IKZF3: variants seen among roughly 807,000 people sequenced by gnomAD.
The protein encoded by IKZF3 is zinc finger protein Aiolos.
IKZF3 carries 10 observed loss-of-function variants against 49.0 expected under a neutral mutation model. That is an observed-to-expected ratio of 0.20 (90% CI 0.13 to 0.35). The LOEUF (loss-of-function observed/expected upper bound fraction) is 0.35. Ranked by LOEUF, IKZF3 falls within the 10% of genes least tolerant of loss-of-function variation. The pLI is 1.00. For missense variants in IKZF3, 498 were observed against 664.8 expected, an observed-to-expected ratio of 0.75 and a Z score of 2.76; for synonymous variants, 209 against 228.2, an observed-to-expected ratio of 0.92 and a Z score of 0.76.
chr17:39,827,008 C>T (rs1047787020), intron 3 of IKZF3, among the ~76,000 whole-genome samples: 4 of 152,002 alleles, frequency 2.6e-5, no homozygotes, highest in Admixed American at 1.3e-4. Context: ...TGTTTTTGTT[C>T]TTTTTTTGAG....
At chr17:39,809,032 T>C (rs572176512) in intron 3 of IKZF3, among the ~76,000 whole-genome samples, 1 of 152,354 alleles carries the variant, frequency 6.6e-6, no homozygotes, top group East Asian at 1.9e-4. Context: ...AGATTTTTGC[T>C]TCTGTAGACG....
In IKZF3 at chr17:39,766,320, T is replaced by A. The variant is rs773046072; in HGVS notation, c.1000A>T (p.Met334Leu). 6.2e-7 allele frequency: 1 copy of A among 1,614,112 alleles called. No individual in the cohort carries two copies. The change falls in exon 8 of 8, where the codon ATG becomes TTG. Residue 334 changes from methionine to leucine, a missense_variant. Coordinates refer to ENST00000346872, the MANE Select transcript of IKZF3 (RefSeq NM_012481.5). ...TACATGCTGCTGATAACTGGAACCATCTCCGAGGTGGGAGCAGGCGGTGTC... is the reference window on the plus strand; with the variant it reads ...TACATGCTGCTGATAACTGGAACCAACTCCGAGGTGGGAGCAGGCGGTGTC... ...VQTPPAPTSE[M>L]VPVISSMYPI...
At chr17:39,777,470 A>G (rs2060618857) in intron 7 of IKZF3, among the ~76,000 whole-genome samples, 181 bp downstream of exon 7, 3 of 152,228 alleles carry the variant, frequency 2.0e-5, no homozygotes, top group African/African-American at 7.2e-5. Flanking sequence ...TGCTTTAGTT[A>G]ATATCTTTTA....
At chr17:39,769,799 T>C (rs1207605178) in intron 7 of IKZF3, among the ~76,000 whole-genome samples, 4 of 152,244 alleles carry the variant, frequency 2.6e-5, no homozygotes, top group African/African-American at 7.2e-5. Flanking sequence ...CAAACTCTGA[T>C]TTTATCCTTT....
intron 3 of IKZF3, among the ~76,000 whole-genome samples, chr17:39,798,745 T>C (rs1490215772): frequency 6.6e-6 from 1 of 152,126 alleles, no homozygotes; most frequent in Non-Finnish European, 1.5e-5. Context: ...GACCTCGTGA[T>C]CCGCCGGCCT....
chr17:39,796,865 A>G (rs2061177747), intron 3 of IKZF3, among the ~76,000 whole-genome samples: 2 of 149,130 alleles, frequency 1.3e-5, no homozygotes, highest in Non-Finnish European at 3.0e-5. Context: ...CTTTCTAGAC[A>G]GATTTAAGAC....
intron 3 of IKZF3, among the ~76,000 whole-genome samples, chr17:39,809,825 G>A (rs901263106): frequency 1.1e-4 from 16 of 152,128 alleles, no homozygotes; most frequent in African/African-American, 3.9e-4. Context: ...ATGAAGAAAG[G>A]GAGATTGAAT....
rs2062821314 is a variant in IKZF3 at position 39,850,673 on chromosome 17, TG to T, written c.7+13446del. 4.7e-4 allele frequency among the ~76,000 whole-genome samples: 58 copies of T among 123,712 alleles called. 1 individual carries two copies. The highest frequency in any genetic ancestry group is 7.0e-4 in the South Asian group (3 of 4,268). The allele number at this position is 123,712 out of a possible 152,430, so 81.2% of individuals were successfully genotyped here. ...ATAGTATATATACTATATATGTATATGTATATATACACATATTATATATACA... is the reference window on the plus strand; with the variant it reads ...ATAGTATATATACTATATATGTATATTATATATACACATATTATATATACA... On this transcript the variant is annotated intron_variant, in intron 1 of 7. Coordinates refer to ENST00000346872, the MANE Select transcript of IKZF3 (RefSeq NM_012481.5).
chr17:39,807,888 G>C (rs953779086), intron 3 of IKZF3, among the ~76,000 whole-genome samples: 1 of 152,182 alleles, frequency 6.6e-6, no homozygotes, highest in East Asian at 1.9e-4. Context: ...GGCAAGAATG[G>C]GGATCAACTA....
chr17:39,844,627 C>T (rs1370323077), intron 1 of IKZF3, among the ~76,000 whole-genome samples: 1 of 151,564 alleles, frequency 6.6e-6, no homozygotes, highest in African/African-American at 2.4e-5. Flanking sequence ...GGGACAGAGT[C>T]TTGTTTTTTT....
chr17:39,777,575 T>G, intron 7 of IKZF3, 76 bp downstream of exon 7: 1 of 990,318 alleles, frequency 1.0e-6, no homozygotes, highest in Admixed American at 2.0e-5. Context: ...AGGAAAGGCC[T>G]TGTGTAGCAA....
chr17:39,842,306 C>T (rs2062500417), intron 1 of IKZF3, among the ~76,000 whole-genome samples: 1 of 152,170 alleles, frequency 6.6e-6, no homozygotes. Context: ...CATTTGAGGC[C>T]CGCCTCAGCC....
intron 1 of IKZF3, among the ~76,000 whole-genome samples, chr17:39,842,626 T>G (rs1170771228): frequency 6.6e-6 from 1 of 152,168 alleles, no homozygotes; most frequent in Non-Finnish European, 1.5e-5. Context: ...AAAACAGAAA[T>G]TCATGAGTAC....
intron 3 of IKZF3, among the ~76,000 whole-genome samples, chr17:39,802,042 G>A (rs1329207401): frequency 4.0e-5 from 6 of 151,716 alleles, no homozygotes; most frequent in Admixed American, 6.6e-5. Flanking sequence ...AAGACATGGT[G>A]AAACCCTGTC....
chr17:39,825,573 C>T (rs2061934692), intron 3 of IKZF3, among the ~76,000 whole-genome samples: 1 of 152,092 alleles, frequency 6.6e-6, no homozygotes, highest in Non-Finnish European at 1.5e-5. Context: ...CCTGGGATGA[C>T]TTAGGGTAGG....
In IKZF3 at chr17:39,764,671, G is replaced by C. The variant is rs1482582957; in HGVS notation, c.*1119C>G. 1 of 151,300 alleles carries C rather than the reference G, an allele frequency of 6.6e-6. No individual in the cohort carries two copies. The highest frequency in any genetic ancestry group is 2.5e-5 in the African/African-American group (1 of 40,652). The allele number at this position is 151,300 out of a possible 1,614,324, so 9.4% of individuals were successfully genotyped here. On this transcript the variant is annotated 3_prime_UTR_variant, in exon 8 of 8. Coordinates refer to ENST00000346872, the MANE Select transcript of IKZF3 (RefSeq NM_012481.5). ...TCAGGAATTTTCATGGAATACAGCA[G>C]TTCCATTTAAATGGGAAAAAAAGGG...
chr17:39,796,033 C>A (rs1456787747), intron 3 of IKZF3, among the ~76,000 whole-genome samples: 1 of 151,740 alleles, frequency 6.6e-6, no homozygotes, highest in Non-Finnish European at 1.5e-5. Flanking sequence ...CAGAGCGAGA[C>A]GCCATCTCAA....
chr17:39,851,457 G>T (rs2062873679), intron 1 of IKZF3, among the ~76,000 whole-genome samples: 1 of 151,946 alleles, frequency 6.6e-6, no homozygotes, highest in African/African-American at 2.4e-5. Flanking sequence ...TATAAATTGT[G>T]GTATATCCAT....
intron 1 of IKZF3, among the ~76,000 whole-genome samples, chr17:39,843,808 T>TAAA (rs79751726): frequency 7.5e-6 from 1 of 132,838 alleles, no homozygotes; most frequent in African/African-American, 2.8e-5. Flanking sequence ...CTCCGTCTTT[T>TAAA]AAAAAAAAAA....
Sources: gnomAD v4.1 joint callset for allele counts (sites outside exome capture counted in the v4.1 genomes callset) on GRCh38, gnomAD v4.1.1 for gene constraint, MANE v1.5 for transcripts, NCBI Gene and HGNC (gene_info 2026-07-23, HGNC 2026-07-21) for gene names.